ZNF483: variants seen among roughly 807,000 people sequenced by gnomAD.
ZNF483 encodes the protein zinc finger protein 483.
Under a neutral mutation model 28.6 loss-of-function variants are expected in ZNF483, and 9 were observed. That is an observed-to-expected ratio of 0.32 (90% CI 0.19 to 0.55). The LOEUF (loss-of-function observed/expected upper bound fraction) is 0.55, where lower values mean the gene tolerates loss of function less well. ZNF483 is among the 20% of genes least tolerant of loss of function. The pLI, the probability that ZNF483 is intolerant of heterozygous loss-of-function variation, is 0.93. For missense variants in ZNF483, 675 were observed against 871.7 expected, an observed-to-expected ratio of 0.77 and a Z score of 2.84; for synonymous variants, 322 against 306.2, an observed-to-expected ratio of 1.05 and a Z score of -0.54.
chr9:111,527,461 G>T lies in ZNF483; in HGVS notation c.66G>T (p.Ser22=). The part of the protein sequence containing the change: ...AISPEPQTLA[S]TEQNEVPRVV... ...CACCAGAACCTCAAACTCTGGCCTC[G>T]ACTGAACAAAATGAGGTCCCAAGAG... is the stretch of plus-strand genomic sequence containing the variant. Residue 22 remains serine, a synonymous_variant, in exon 2 of 6, where the codon TCG becomes TCT. Transcript: ENST00000309235. The T allele has an allele frequency of 6.2e-7, 1 of 1,614,052 alleles. No individual in the cohort carries two copies. Among genetic ancestry groups the T allele is most frequent in the South Asian group, 1.1e-5 (1 of 91,020 alleles).
intron 2 of ZNF483, chr9:111,528,170 G>A (rs1383823253): frequency 1.3e-6 from 1 of 745,550 alleles, no homozygotes; most frequent in African/African-American, 1.8e-5. Flanking sequence ...AACCAGCTCA[G>A]GCCCTAATGC....
intron 5 of ZNF483, among the ~76,000 whole-genome samples, chr9:111,571,543 A>G (rs77083817): frequency 0.065 from 8,824 of 134,894 alleles, 705 homozygotes; most frequent in African/African-American, 0.11. Context: ...AAGTGGTGCC[A>G]TCACTGCTCA....
intron 5 of ZNF483, chr9:111,570,002 G>A: frequency 1.3e-6 from 2 of 1,577,852 alleles, no homozygotes; most frequent in Non-Finnish European, 1.7e-6. Flanking sequence ...CGGCAGAGAT[G>A]GGGAAGAATT....
chr9:111,576,388 A>G, exon 6 of ZNF483: 2 of 1,614,166 alleles, frequency 1.2e-6, no homozygotes, highest in Non-Finnish European at 1.7e-6. Context: ...AGTAAAAAAG[A>G]TGCAGATGTT....
intron 5 of ZNF483, among the ~76,000 whole-genome samples, chr9:111,536,351 C>T (rs1200062720): frequency 6.6e-6 from 1 of 151,354 alleles, no homozygotes; most frequent in Admixed American, 6.6e-5. Flanking sequence ...AACCCCGTCT[C>T]TACTAAAAAT....
At chr9:111,565,488 T>G (rs1828517610) in intron 5 of ZNF483, among the ~76,000 whole-genome samples, 1 of 152,218 alleles carries the variant, frequency 6.6e-6, no homozygotes, top group African/African-American at 2.4e-5. Flanking sequence ...CTCTCTGTAC[T>G]ATCTTCCCAA....
chr9:111,537,283 G>A (rs970399065), intron 5 of ZNF483, among the ~76,000 whole-genome samples: 2 of 151,838 alleles, frequency 1.3e-5, no homozygotes, highest in South Asian at 2.1e-4. Flanking sequence ...GTGCAATGGC[G>A]TGATGTCAGC....
In ZNF483 at chr9:111,542,801, G is replaced by A. The variant is rs1418122140; in HGVS notation, c.1866G>A (p.Val622=). ...CGMTFSHFTS[V]IYHQRLHSGE... is the part of the protein sequence containing the mutation. ...TGACTTTTAGCCATTTTACGTCTGT[G>A]ATTTATCATCAAAGACTTCATTCAG... The change falls in exon 6 of 6, where the codon GTG becomes GTA. Residue 622 remains valine (V), a synonymous_variant. Transcript: ENST00000309235. The surrounding 1 kb of genome is among the most constrained non-coding windows in gnomAD (Gnocchi z 6.2). 2 of 1,614,012 alleles carry A rather than the reference G, an allele frequency of 1.2e-6. No homozygotes were observed. The highest frequency in any genetic ancestry group is 1.7e-6 in the Non-Finnish European group (2 of 1,179,946).
chr9:111,552,392 T>C lies in ZNF483; in HGVS notation c.*9222T>C, dbSNP rs763042022. Among the ~76,000 whole-genome samples, 2 of 152,236 alleles carry C rather than the reference T, an allele frequency of 1.3e-5. No individual in the cohort carries two copies. Among genetic ancestry groups the C allele is most frequent in the Non-Finnish European group, 2.9e-5 (2 of 68,028 alleles). On this transcript the variant is annotated 3_prime_UTR_variant, in exon 6 of 6. Coordinates refer to ENST00000309235, the MANE Select transcript of ZNF483 (RefSeq NM_133464.5). ...CCGTGACTCGTTTCTTGGAGTCTGCTTCAGAAAATTGAACACAAATATTTT... is the reference window on the plus strand; with the variant it reads ...CCGTGACTCGTTTCTTGGAGTCTGCCTCAGAAAATTGAACACAAATATTTT...
At chr9:111,563,220 C>G (rs928365134) in intron 5 of ZNF483, 1 of 1,613,044 alleles carries the variant, frequency 6.2e-7, no homozygotes. Flanking sequence ...ATTCCTTGTA[C>G]TGGATTTTAC....
chr9:111,548,466 T>TG lies in ZNF483; in HGVS notation c.*5297dup. 6.6e-6 allele frequency among the ~76,000 whole-genome samples: 1 copy of TG among 152,370 alleles called. No homozygotes were observed. The highest frequency in any genetic ancestry group is 2.1e-4 in the South Asian group (1 of 4,826). On this transcript the variant is annotated 3_prime_UTR_variant, in exon 6 of 6. Coordinates refer to ENST00000309235, the MANE Select transcript of ZNF483 (RefSeq NM_133464.5). ...AGTTTTGAGTGTTGATTTTGTATCT[T>TG]GCAACTTTGCTGAATTTGTTTATTA...
In ZNF483 at chr9:111,527,847, C is replaced by T. The variant is rs546868484; in HGVS notation, c.412+40C>T. 3.1e-6 allele frequency: 5 copies of T among 1,614,046 alleles called. No individual in the cohort carries two copies. The African/African-American group carries it at 5.3e-5, about 17-fold the overall frequency. On this transcript the variant is annotated intron_variant, in intron 2 of 5. Coordinates refer to ENST00000309235, the MANE Select transcript of ZNF483 (RefSeq NM_133464.5). ...TGGAGGGAGGAAGCGGGAGACATTG[C>T]CTCAAAGTCCGAAAGTAAATTCCTC...
In ZNF483 at chr9:111,542,415, C is replaced by A. The variant is rs775797653; in HGVS notation, c.1480C>A (p.Pro494Thr). 1 of 1,614,022 alleles carries A rather than the reference C, an allele frequency of 6.2e-7. No homozygotes were observed. The highest frequency in any genetic ancestry group is 8.5e-7 in the Non-Finnish European group (1 of 1,180,010). The change falls in exon 6 of 6, where the codon CCC (proline) becomes ACC (threonine). Residue 494 changes from proline (P) to threonine (T), a missense_variant. Pro to Thr is a conservative substitution (Grantham distance 38). This residue lies in a region of ZNF483 where 525 missense variants were observed against 581.8 expected (regional missense o/e 0.90). Transcript: ENST00000309235. This position sits in a 1 kb window ranked among gnomAD's most constrained non-coding sequence, Gnocchi z 6.2. ...TCATAGAACTCATAGTGGAGAGAAA[C>A]CCTTCAAATGTGATGACTGTGGGAA... ...PHHRTHSGEKPFKCDDCGKGF... is the reference protein window; with the variant it reads ...PHHRTHSGEKTFKCDDCGKGF...
intron 5 of ZNF483, among the ~76,000 whole-genome samples, chr9:111,570,508 C>T (rs1393613239): frequency 1.3e-5 from 2 of 152,030 alleles, no homozygotes; most frequent in African/African-American, 4.8e-5. Flanking sequence ...CGGTGGCTCA[C>T]ACCTGTAATC....
intron 2 of ZNF483, chr9:111,528,156 A>G: frequency 1.2e-6 from 1 of 860,950 alleles, no homozygotes; most frequent in South Asian, 2.0e-5. Flanking sequence ...GTCACAGGCA[A>G]ATCAACCAGC....
chr9:111,538,631 A>G (rs2132247501), intron 5 of ZNF483, among the ~76,000 whole-genome samples: 1 of 152,292 alleles, frequency 6.6e-6, no homozygotes, highest in East Asian at 1.9e-4. Flanking sequence ...AATTTAACAA[A>G]TGGATTCTGA....
chr9:111,551,502 G>A lies in ZNF483; in HGVS notation c.*8332G>A, dbSNP rs562255663. ...GGTCCACTGCAACCTCCGCCTCCTG[G>A]GTTCCAGCAATTCTCCTGCTTCAGC... On this transcript the variant is annotated 3_prime_UTR_variant, in exon 6 of 6. Transcript: ENST00000309235. Among the ~76,000 whole-genome samples the A allele has an allele frequency of 6.8e-6, 1 of 146,716 alleles. No homozygotes were observed. Among genetic ancestry groups the A allele is most frequent in the Admixed American group, 7.0e-5 (1 of 14,194 alleles).
At position 111,542,025 on chromosome 9, in the gene ZNF483, G is replaced by A. The variant is rs1301440384; in HGVS notation, c.1090G>A (p.Gly364Ser). The change falls in exon 6 of 6, where the codon GGT (glycine) becomes AGT (serine). Residue 364 changes from glycine (G) to serine (S), a missense_variant. Gly to Ser is a moderately conservative substitution (Grantham distance 56). Transcript: ENST00000309235. The surrounding 1 kb of genome is among the most constrained non-coding windows in gnomAD (Gnocchi z 6.2). ...AGEKSRKSNDGGKVLSHSSAL... is the reference protein window; with the variant it reads ...AGEKSRKSNDSGKVLSHSSAL... ...AGAAAAGTCACGGAAATCTAATGAT[G>A]GTGGGAAAGTCCTGAGTCACTCTTC... 6.2e-7 allele frequency: 1 copy of A among 1,614,012 alleles called. No individual in the cohort carries two copies.
chr9:111,565,647 C>G (rs1292890947), intron 5 of ZNF483, among the ~76,000 whole-genome samples: 2 of 152,110 alleles, frequency 1.3e-5, no homozygotes, highest in Non-Finnish European at 2.9e-5. Flanking sequence ...CCTCAGCCTC[C>G]CGAGTAGCTG....
Sources: gnomAD v4.1 joint callset for allele counts (sites outside exome capture counted in the v4.1 genomes callset) on GRCh38, gnomAD v4.1.1 for gene constraint, gnomAD v4.1.1 regional missense constraint, Gnocchi (gnomAD v3.1) non-coding constraint, MANE v1.5 for transcripts, NCBI Gene and HGNC (gene_info 2026-07-23, HGNC 2026-07-21) for gene names.